GPC5: variants seen among roughly 807,000 people sequenced by gnomAD.
GPC5 encodes glypican-5.
A neutral mutation model predicts 53.9 loss-of-function variants in GPC5; 47 were observed. That is an observed-to-expected ratio of 0.87 (90% CI 0.69 to 1.11). The LOEUF is 1.11. Among genes scored for constraint, GPC5 ranks in the 50% most tolerant of loss-of-function variants. The pLI, the probability that GPC5 is intolerant of heterozygous loss-of-function variation, is 0.00. For missense variants in GPC5, 748 were observed against 713.1 expected, an observed-to-expected ratio of 1.05 and a Z score of -0.56; for synonymous variants, 286 against 263.3, an observed-to-expected ratio of 1.09 and a Z score of -0.84.
chr13:92,393,190 A>G (rs1486880624), intron 7 of GPC5, among the ~76,000 whole-genome samples: 1 of 152,204 alleles, frequency 6.6e-6, no homozygotes, highest in Non-Finnish European at 1.5e-5. Flanking sequence ...AGGATGTGCT[A>G]CATATACACC....
chr13:91,766,168 T>G (rs1423901207), intron 5 of GPC5, among the ~76,000 whole-genome samples: 1 of 152,194 alleles, frequency 6.6e-6, no homozygotes, highest in Admixed American at 6.5e-5. Context: ...CAAGTGGGAA[T>G]AGTTTACAAA....
chr13:92,527,469 G>A (rs1482754000), intron 7 of GPC5, among the ~76,000 whole-genome samples: 1 of 152,040 alleles, frequency 6.6e-6, no homozygotes, highest in African/African-American at 2.4e-5. Flanking sequence ...AGTAAAATAG[G>A]GGGTAAGGTG....
chr13:91,975,380 G>C (rs1397249058), intron 6 of GPC5, among the ~76,000 whole-genome samples: 6 of 151,488 alleles, frequency 4.0e-5, no homozygotes, highest in African/African-American at 4.9e-5. Flanking sequence ...ATCTGACAAA[G>C]GGCTAATATC....
chr13:91,563,662 G>A (rs571347314), intron 2 of GPC5, among the ~76,000 whole-genome samples: 1 of 152,276 alleles, frequency 6.6e-6, no homozygotes, highest in African/African-American at 2.4e-5. Flanking sequence ...ACATACACAT[G>A]CTCTTTGATA....
At chr13:92,775,347 T>C (rs573080247) in intron 7 of GPC5, among the ~76,000 whole-genome samples, 3 of 152,354 alleles carry the variant, frequency 2.0e-5, no homozygotes, top group Admixed American at 6.5e-5. Context: ...CAATAAGTAC[T>C]TTTTGGCATC....
At chr13:91,484,383 A>T (rs1270311472) in intron 2 of GPC5, among the ~76,000 whole-genome samples, 1 of 152,220 alleles carries the variant, frequency 6.6e-6, no homozygotes, top group Non-Finnish European at 1.5e-5. Context: ...CATGTTTTAT[A>T]TATACCAAGA....
chr13:92,140,025 G>C (rs573313477), intron 6 of GPC5, among the ~76,000 whole-genome samples: 26 of 152,316 alleles, frequency 1.7e-4, no homozygotes, highest in African/African-American at 6.3e-4. Flanking sequence ...GTTCAAGAAA[G>C]TGGATTAAGT....
chr13:92,717,740 T>TACAA (rs1360909093), intron 7 of GPC5, among the ~76,000 whole-genome samples: 12 of 152,220 alleles, frequency 7.9e-5, no homozygotes, highest in African/African-American at 2.9e-4. Flanking sequence ...CTTCAATTCA[T>TACAA]ACAAACATTA....
intron 7 of GPC5, among the ~76,000 whole-genome samples, chr13:92,350,814 A>T (rs530262928): frequency 5.9e-5 from 9 of 152,012 alleles, no homozygotes; most frequent in Non-Finnish European, 1.2e-4. Flanking sequence ...GTCAATTTAC[A>T]ATAAAATAGT....
intron 2 of GPC5, among the ~76,000 whole-genome samples, chr13:91,572,438 C>T (rs947240484): frequency 2.6e-5 from 4 of 151,994 alleles, no homozygotes; most frequent in Non-Finnish European, 5.9e-5. Context: ...GCTCTGCAGA[C>T]TATAAGAAGT....
At chr13:91,467,811 T>G (rs1882341773) in intron 2 of GPC5, among the ~76,000 whole-genome samples, 1 of 152,208 alleles carries the variant, frequency 6.6e-6, no homozygotes, top group South Asian at 2.1e-4. Flanking sequence ...ATTTTTCCTT[T>G]GATTATAGCT....
At chr13:91,798,356 G>C (rs187544297) in intron 5 of GPC5, among the ~76,000 whole-genome samples, 1 of 151,866 alleles carries the variant, frequency 6.6e-6, no homozygotes, top group African/African-American at 2.4e-5. Context: ...GCCTCTCCCC[G>C]ACAGCCCCCA....
At chr13:91,846,916 T>C (rs1397556705) in intron 5 of GPC5, among the ~76,000 whole-genome samples, 1 of 152,016 alleles carries the variant, frequency 6.6e-6, no homozygotes, top group Non-Finnish European at 1.5e-5. Flanking sequence ...TATTATAATT[T>C]TGTGCAACTG....
At chr13:91,948,848 C>A (rs1232609622) in intron 6 of GPC5, among the ~76,000 whole-genome samples, 1 of 152,094 alleles carries the variant, frequency 6.6e-6, no homozygotes, top group Non-Finnish European at 1.5e-5. Context: ...GGCACAAATG[C>A]AATTTTAGTA....
intron 7 of GPC5, among the ~76,000 whole-genome samples, chr13:92,152,841 C>G (rs1410769198): frequency 6.6e-6 from 1 of 151,930 alleles, no homozygotes; most frequent in Non-Finnish European, 1.5e-5. Flanking sequence ...TATAGTTGTA[C>G]CTAACCCTCC....
At chr13:92,803,492 T>C (rs1876981150) in intron 7 of GPC5, among the ~76,000 whole-genome samples, 1 of 151,964 alleles carries the variant, frequency 6.6e-6, no homozygotes, top group Non-Finnish European at 1.5e-5. Context: ...AACTCAGTTC[T>C]GTCTTTTGTA....
intron 2 of GPC5, among the ~76,000 whole-genome samples, chr13:91,690,800 T>C (rs1407799294): frequency 6.6e-6 from 1 of 152,212 alleles, no homozygotes; most frequent in African/African-American, 2.4e-5. Context: ...CCACTAAGAA[T>C]AATATGGCAA....
At chr13:92,144,750 T>C (rs1305795031) in intron 6 of GPC5, 80 bp from the exon 7 acceptor site, 18 of 1,385,228 alleles carry the variant, frequency 1.3e-5, no homozygotes, top group Non-Finnish European at 1.6e-5. Flanking sequence ...AACAAAATAA[T>C]TCTAAATAAG....
chr13:91,965,342 G>A (rs1431025794), intron 6 of GPC5, among the ~76,000 whole-genome samples: 1 of 152,170 alleles, frequency 6.6e-6, no homozygotes, highest in Non-Finnish European at 1.5e-5. Context: ...TGGTTGTGAA[G>A]TCAGGTATAA....
Sources: gnomAD v4.1 joint callset for allele counts (sites outside exome capture counted in the v4.1 genomes callset) on GRCh38, gnomAD v4.1.1 for gene constraint, MANE v1.5 for transcripts, NCBI Gene and HGNC (gene_info 2026-07-23, HGNC 2026-07-21) for gene names.